ATG2B: variants seen among roughly 807,000 people sequenced by gnomAD.
ATG2B encodes the protein autophagy related 2B.
Under a neutral mutation model 241.3 loss-of-function variants are expected in ATG2B, and 121 were observed. The observed-to-expected ratio is 0.50, with a 90% CI of 0.43 to 0.58. The LOEUF is 0.58. Among genes scored for constraint, ATG2B ranks in the 20% least tolerant of loss-of-function variants. The probability of loss-of-function intolerance (pLI) is 0.00; values close to 1 mark genes in which losing one functional copy is unlikely to be tolerated. For synonymous variants in ATG2B, 858 were observed against 876.6 expected (o/e 0.98, Z 0.37); for missense variants, 2,306 against 2,491.6 (o/e 0.93, Z 1.59).
chr14:96,309,464 G>A lies in ATG2B; in HGVS notation c.4292C>T (p.Pro1431Leu), dbSNP rs1302705431. 1 of 1,613,742 alleles carries A rather than the reference G, an allele frequency of 6.2e-7. No homozygotes were observed. Among genetic ancestry groups the A allele is most frequent in the African/African-American group, 1.3e-5 (1 of 74,994 alleles). Residue 1431 changes from proline to leucine, a missense_variant, in exon 29 of 42, where the codon CCA becomes CTA. Around this residue, in one of 2 missense-constraint regions of ATG2B, gnomAD observed 1,927 missense variants for 2,011.2 expected, o/e 0.96. Coordinates refer to ENST00000359933, the MANE Select transcript of ATG2B (RefSeq NM_018036.7). The stretch of plus-strand genomic sequence containing the variant: ...AGTCCTGGTCTTACCATTAGCCTGT[G>A]GTTTTACTGACGAGGTGCCTTGTTG... ...DMQQGTSSVK[P>L]QANGVLDEKS...
chr14:96,354,490 G>A (rs1888420383), intron 1 of ATG2B, among the ~76,000 whole-genome samples: 1 of 152,202 alleles, frequency 6.6e-6, no homozygotes, highest in African/African-American at 2.4e-5. Flanking sequence ...AGTCCACTGT[G>A]TGTATGTATA....
rs1192763830 is a variant in ATG2B at position 96,343,271 on chromosome 14, A to C, written c.592T>G (p.Cys198Gly). 3 of 1,582,832 alleles carry C rather than the reference A, an allele frequency of 1.9e-6. No individual in the cohort carries two copies. ...GAGGATTCGTCAGCAGTTTCATCAC[A>C]GTACACAGTTCTGAAATTTTTTTAA... ...LEIRIERTVYCDETADESSGI... is the reference protein window; with the variant it reads ...LEIRIERTVYGDETADESSGI... Residue 198 changes from cysteine to glycine, a missense_variant, in exon 5 of 42, where the codon TGT (cysteine) becomes GGT (glycine). Cys to Gly is a radical substitution (Grantham distance 159, BLOSUM62 -3). Around this residue, in one of 2 missense-constraint regions of ATG2B, gnomAD observed 1,927 missense variants for 2,011.2 expected, o/e 0.96. Coordinates refer to ENST00000359933, the MANE Select transcript of ATG2B (RefSeq NM_018036.7).
intron 41 of ATG2B, among the ~76,000 whole-genome samples, chr14:96,287,313 TAAAAACTATCTAGAG>T (rs1555363551): frequency 6.6e-6 from 1 of 150,762 alleles, no homozygotes; most frequent in Non-Finnish European, 1.5e-5. Context: ...AGTACTACTT[TAAAAACTATCTAGAG>T]GATAACAGCC....
At chr14:96,291,039 G>T (rs1886470289) in intron 38 of ATG2B, 104 bp from the exon 39 acceptor site, 2 of 971,166 alleles carry the variant, frequency 2.1e-6, no homozygotes, top group Non-Finnish European at 3.0e-6. Context: ...CAAATTATAA[G>T]GGCAAATATT....
intron 2 of ATG2B, 82 bp from the exon 3 acceptor site, chr14:96,345,467 G>T: frequency 9.7e-7 from 1 of 1,028,522 alleles, no homozygotes; most frequent in Non-Finnish European, 1.3e-6. Context: ...ATTTCAAATA[G>T]ACAAATTCTT....
chr14:96,311,397 A>G lies in ATG2B; in HGVS notation c.3991-110T>C, dbSNP rs28641070. 3.8e-4 allele frequency: 463 copies of G among 1,224,408 alleles called. 5 individuals carry two copies. In the African/African-American group the frequency reaches 6.2e-3, roughly 17 times the overall value. 75.8% of individuals were successfully genotyped at this position (1,224,408 alleles called of 1,614,324 possible). On this transcript the variant is annotated intron_variant, in intron 27 of 41. Transcript: ENST00000359933. ...GATTCATGATAATCTGTCTCGCTAC[A>G]TAAAAAAAGTATTTAAATAAATCCA... is the stretch of plus-strand genomic sequence containing the variant.
chr14:96,339,337 T>C (rs1263496852), intron 6 of ATG2B, among the ~76,000 whole-genome samples: 2 of 151,822 alleles, frequency 1.3e-5, no homozygotes, highest in Non-Finnish European at 2.9e-5. Context: ...TATACACATA[T>C]ATACACAAAC....
In ATG2B at chr14:96,283,596, C is replaced by T. The variant is rs542042563; in HGVS notation, c.*2159G>A. ...GATCAGATGTCCTGGACAAGTCATC[C>T]GTTTGGTAAGCTGCAGATGTGGCAA... On this transcript the variant is annotated 3_prime_UTR_variant, in exon 42 of 42. Coordinates refer to ENST00000359933, the MANE Select transcript of ATG2B (RefSeq NM_018036.7). 8 of 152,320 alleles carry T rather than the reference C, an allele frequency of 5.3e-5. No individual in the cohort carries two copies. The South Asian group carries it at 1.0e-3, about 20-fold the overall frequency. 9.4% of individuals were successfully genotyped at this position (152,320 alleles called of 1,614,324 possible). A position where few individuals can be genotyped will look rare whatever the true frequency, so the allele number is the denominator to read the frequency against.
At position 96,317,141 on chromosome 14, in the gene ATG2B, T is replaced by C; in HGVS notation, c.3210+4A>G. ...AAAAAACACTTCGGATTTGTAAACCTCACCTTCACATCTGTGAACACTGCT... is the reference window on the plus strand; with the variant it reads ...AAAAAACACTTCGGATTTGTAAACCCCACCTTCACATCTGTGAACACTGCT... On this transcript the variant is annotated splice_donor_region_variant and intron_variant, in intron 20 of 41. Transcript: ENST00000359933. 1 of 1,598,340 alleles carries C rather than the reference T, an allele frequency of 6.3e-7. No individual in the cohort carries two copies. Among genetic ancestry groups the C allele is most frequent in the Non-Finnish European group, 8.5e-7 (1 of 1,172,102 alleles).
chr14:96,355,880 C>T (rs989168119), intron 1 of ATG2B, among the ~76,000 whole-genome samples: 6 of 152,012 alleles, frequency 3.9e-5, no homozygotes, highest in African/African-American at 1.2e-4. Context: ...CATAAAAACG[C>T]GCATGAGCTG....
chr14:96,304,989 T>G (rs1049470976), intron 31 of ATG2B, among the ~76,000 whole-genome samples: 3 of 151,706 alleles, frequency 2.0e-5, no homozygotes, highest in African/African-American at 7.2e-5. Flanking sequence ...ATAATTATAG[T>G]AAAGTTGGAC....
chr14:96,362,781 G>C (rs537230043), intron 1 of ATG2B, 34 bp downstream of exon 1: 2 of 1,580,176 alleles, frequency 1.3e-6, no homozygotes, highest in African/African-American at 1.4e-5. Flanking sequence ...AGAGGGGAGC[G>C]AGCCCCGCCC....
At chr14:96,294,785 C>T (rs190486695) in intron 36 of ATG2B, among the ~76,000 whole-genome samples, 175 bp downstream of exon 36, 2 of 152,222 alleles carry the variant, frequency 1.3e-5, no homozygotes, top group East Asian at 3.9e-4. Context: ...TTACTATGTG[C>T]AAATAAGGGG....
chr14:96,338,623 C>T (rs867102721), intron 6 of ATG2B, among the ~76,000 whole-genome samples: 2 of 152,150 alleles, frequency 1.3e-5, no homozygotes, highest in Middle Eastern at 3.4e-3. Context: ...ATCTCTCACC[C>T]TATACAAGAA....
chr14:96,312,967 A>T, intron 25 of ATG2B, 98 bp downstream of exon 25: 1 of 744,276 alleles, frequency 1.3e-6, no homozygotes, highest in Non-Finnish European at 2.1e-6. Context: ...AAGAACGTTT[A>T]ACAAAAAATT....
At chr14:96,286,021 G>C in intron 41 of ATG2B, 36 bp from the exon 42 acceptor site, 1 of 1,548,494 alleles carries the variant, frequency 6.5e-7, no homozygotes, top group South Asian at 1.1e-5. Flanking sequence ...GAGGAGGGCA[G>C]TGAACAAACT....
intron 41 of ATG2B, among the ~76,000 whole-genome samples, chr14:96,287,936 A>G (rs941252413): frequency 5.9e-5 from 9 of 152,170 alleles, no homozygotes; most frequent in African/African-American, 1.9e-4. Context: ...TCTATGACAC[A>G]CACAAGGCAT....
chr14:96,292,008 A>G (rs1472216956), intron 37 of ATG2B, 21 bp downstream of exon 37: 2 of 1,527,628 alleles, frequency 1.3e-6, no homozygotes, highest in Non-Finnish European at 1.8e-6. Context: ...TTTGTGGAGT[A>G]TATTTGTAGA....
intron 24 of ATG2B, 57 bp downstream of exon 24, chr14:96,313,272 T>C: frequency 7.0e-7 from 1 of 1,433,148 alleles, no homozygotes; most frequent in Admixed American, 2.1e-5. Context: ...ATGTATTTTT[T>C]TCAAAATTTA....
Sources: allele counts gnomAD v4.1 joint callset (sites outside exome capture counted in the v4.1 genomes callset), GRCh38; gene constraint gnomAD v4.1.1; regional missense constraint gnomAD v4.1.1; transcripts MANE v1.5; gene names NCBI Gene and HGNC (gene_info 2026-07-23, HGNC 2026-07-21).